Variants in APBA1 observed in about 807,000 individuals in gnomAD.
APBA1 encodes the protein amyloid beta precursor protein binding family A member 1, also known as amyloid-beta A4 precursor protein-binding family A member 1.
A neutral mutation model predicts 86.6 loss-of-function variants in APBA1; 55 were observed. The ratio of observed to expected loss-of-function variants is 0.64; its 90% CI spans 0.51 to 0.80. The LOEUF is 0.80. APBA1 is among the 30% of genes least tolerant of loss of function. The pLI, the probability that APBA1 is intolerant of heterozygous loss-of-function variation, is 0.00. For missense variants in APBA1, 1,090 were observed against 1,183.0 expected (o/e 0.92, Z 1.15); for synonymous variants, 511 against 493.9 (o/e 1.03, Z -0.46).
intron 1 of APBA1, among the ~76,000 whole-genome samples, chr9:69,600,001 C>T (rs1421261585): frequency 1.3e-5 from 2 of 152,222 alleles, no homozygotes; most frequent in African/African-American, 4.8e-5. Flanking sequence ...CCTCATCTCA[C>T]ACCCAGAAAC....
chr9:69,596,932 T>C (rs976560589), intron 1 of APBA1, among the ~76,000 whole-genome samples: 4 of 152,190 alleles, frequency 2.6e-5, no homozygotes, highest in African/African-American at 9.7e-5. Context: ...TAGTGGCTAC[T>C]GAATTACATG....
At chr9:69,453,512 T>C (rs1835046542) in intron 8 of APBA1, among the ~76,000 whole-genome samples, 2 of 152,196 alleles carry the variant, frequency 1.3e-5, no homozygotes, top group South Asian at 4.1e-4. Context: ...TATGCTGCAG[T>C]AAATGCTATA....
intron 1 of APBA1, among the ~76,000 whole-genome samples, chr9:69,652,726 C>T (rs1412830351): frequency 6.6e-6 from 1 of 152,216 alleles, no homozygotes; most frequent in Non-Finnish European, 1.5e-5. Flanking sequence ...CGCAGTGGCT[C>T]ATGCCTGTGA....
intron 1 of APBA1, among the ~76,000 whole-genome samples, chr9:69,610,746 C>T (rs1359586115): frequency 6.6e-6 from 1 of 152,126 alleles, no homozygotes; most frequent in African/African-American, 2.4e-5. Context: ...TTTCTTTGCT[C>T]TCAAGAGATT....
chr9:69,658,308 T>TTTCTTTCTC (rs1823672950), intron 1 of APBA1, among the ~76,000 whole-genome samples: 2 of 39,896 alleles, frequency 5.0e-5, no homozygotes, highest in Admixed American at 2.5e-4. Flanking sequence ...CTCTCTCTCT[T>TTTCTTTCTC]TCTTTCTTTC....
intron 1 of APBA1, among the ~76,000 whole-genome samples, chr9:69,639,219 G>A (rs1165309471): frequency 6.6e-6 from 1 of 152,108 alleles, no homozygotes; most frequent in Non-Finnish European, 1.5e-5. Context: ...TAGTCTATGT[G>A]AATTTTTCTC....
Position 69,433,301 on chromosome 9 carries a change from G to A in APBA1, c.2302-625C>T, listed in dbSNP as rs536162097. ...CCGAGGTTGCAGGCGGGGCTGATGCGCCCTCCACCCTTACCTCACACACAC... is the reference window on the plus strand; with the variant it reads ...CCGAGGTTGCAGGCGGGGCTGATGCACCCTCCACCCTTACCTCACACACAC... On this transcript the variant is annotated intron_variant, in intron 11 of 12. Coordinates refer to ENST00000265381, the MANE Select transcript of APBA1 (RefSeq NM_001163.4). Among the ~76,000 whole-genome samples the A allele has an allele frequency of 7.2e-5, 11 of 152,330 alleles. No homozygotes were observed. In the East Asian group the frequency reaches 1.5e-3, roughly 21 times the overall value.
chr9:69,607,945 T>G (rs1196199028), intron 1 of APBA1, among the ~76,000 whole-genome samples: 2 of 152,208 alleles, frequency 1.3e-5, no homozygotes, highest in Non-Finnish European at 2.9e-5. Flanking sequence ...CTTAGCTCAG[T>G]GCCTGTCACA....
intron 1 of APBA1, among the ~76,000 whole-genome samples, chr9:69,639,879 A>C (rs1195132927): frequency 6.6e-6 from 1 of 152,170 alleles, no homozygotes; most frequent in Non-Finnish European, 1.5e-5. Context: ...TAGAAAAAGC[A>C]CTTATGAAAT....
chr9:69,473,888 T>C (rs1319931695), intron 3 of APBA1, among the ~76,000 whole-genome samples: 1 of 152,130 alleles, frequency 6.6e-6, no homozygotes, highest in African/African-American at 2.4e-5. Flanking sequence ...TCTCTAATTA[T>C]TACACACAAA....
chr9:69,611,287 A>AG, intron 1 of APBA1, among the ~76,000 whole-genome samples: 2 of 56,316 alleles, frequency 3.6e-5, no homozygotes, highest in Non-Finnish European at 3.6e-5. Context: ...CAGAAAAGGA[A>AG]AAAAAAAAAA....
Position 69,567,066 on chromosome 9 carries a change from A to AT in APBA1, c.-69-49788dup, listed in dbSNP as rs553121482. On this transcript the variant is annotated intron_variant, in intron 1 of 12. Coordinates refer to ENST00000265381, the MANE Select transcript of APBA1 (RefSeq NM_001163.4). Reference sequence around the variant, plus strand: ...GTCTATACACTTCAGTACTGTTTGAATTTTTTTTTACAATGATCACTTATT... The same window carrying AT: ...GTCTATACACTTCAGTACTGTTTGAATTTTTTTTTTACAATGATCACTTATT... 2.0e-3 allele frequency among the ~76,000 whole-genome samples: 311 copies of AT among 151,862 alleles called. 1 individual carries two copies. The highest frequency in any genetic ancestry group is 3.7e-3 in the Non-Finnish European group (252 of 67,928).
intron 1 of APBA1, among the ~76,000 whole-genome samples, chr9:69,608,529 C>T (rs1219879362): frequency 2.0e-5 from 3 of 152,046 alleles, no homozygotes; most frequent in Admixed American, 2.0e-4. Flanking sequence ...GGAAGAGGGA[C>T]CACTGCTTGG....
rs376385614 is a variant in APBA1 at position 69,512,070 on chromosome 9, TAATA to T, written c.1200+3937_1200+3940del. Among the ~76,000 whole-genome samples, 160 of 148,450 alleles carry T rather than the reference TAATA, an allele frequency of 1.1e-3. 1 individual carries two copies. Among genetic ancestry groups the T allele is most frequent in the African/African-American group, 3.6e-3 (143 of 40,186 alleles). On this transcript the variant is annotated intron_variant, in intron 2 of 12. Transcript: ENST00000265381. ...CACATGTACCCTAAAACTTAAAGTA[TAATA>T]AATAAATAAATAAATAAATAAAAAG... is the stretch of plus-strand genomic sequence containing the variant.
At chr9:69,519,868 T>C (rs544916698) in intron 1 of APBA1, among the ~76,000 whole-genome samples, 174 of 152,340 alleles carry the variant, frequency 1.1e-3, no homozygotes, top group African/African-American at 4.1e-3. Context: ...CATGTATTGA[T>C]TCAAAGGAAA....
intron 1 of APBA1, among the ~76,000 whole-genome samples, chr9:69,668,406 T>G (rs1460117408): frequency 6.6e-6 from 1 of 152,156 alleles, no homozygotes; most frequent in African/African-American, 2.4e-5. Flanking sequence ...CTCAGATAAT[T>G]CCCGCACACC....
At chr9:69,622,629 A>G (rs7853119) in intron 1 of APBA1, among the ~76,000 whole-genome samples, 148,152 of 151,956 alleles carry the variant, frequency 0.97, 72,330 homozygotes, top group East Asian at 1. Context: ...TGGAGAAGTA[A>G]AGGAGGCATT....
chr9:69,486,796 C>T (rs1036123293), intron 2 of APBA1, among the ~76,000 whole-genome samples: 4 of 151,870 alleles, frequency 2.6e-5, no homozygotes, highest in African/African-American at 7.3e-5. Flanking sequence ...GAGGATAGCA[C>T]AGGGTGTTAC....
chr9:69,523,075 C>T (rs984488690), intron 1 of APBA1, among the ~76,000 whole-genome samples: 2 of 151,948 alleles, frequency 1.3e-5, no homozygotes, highest in African/African-American at 2.4e-5. Context: ...AAAAGGTGAA[C>T]AAAAAGAGGG....
Sources: allele counts gnomAD v4.1 joint callset (sites outside exome capture counted in the v4.1 genomes callset), GRCh38; gene constraint gnomAD v4.1.1; transcripts MANE v1.5; gene names NCBI Gene and HGNC (gene_info 2026-07-23, HGNC 2026-07-21).